The following SCHIP1 variants were observed in gnomAD, a reference collection of about 807,000 sequenced individuals.
The protein encoded by SCHIP1 is schwannomin interacting protein 1, also known as schwannomin-interacting protein 1.
A neutral mutation model predicts 29.7 loss-of-function variants in SCHIP1; 8 were observed. The ratio of observed to expected loss-of-function variants is 0.27; its 90% confidence interval spans 0.16 to 0.49. The LOEUF is 0.49. Ranked by LOEUF, SCHIP1 falls within the 20% of genes least tolerant of loss-of-function variation. The pLI is 0.99. For synonymous variants in SCHIP1, 76 were observed against 94.9 expected (o/e 0.80, Z 1.16); for missense variants, 193 against 294.6 (o/e 0.66, Z 2.52).
At chr3:159,642,183 G>T in the SCHIP1 span, among the ~76,000 whole-genome samples, 2 of 152,230 alleles carry the variant, frequency 1.3e-5, no homozygotes, top group South Asian at 4.1e-4. Flanking sequence ...CATATAAATA[G>T]CCCTCAATAT....
At chr3:159,279,370 T>C in the SCHIP1 span, among the ~76,000 whole-genome samples, 1 of 152,176 alleles carries the variant, frequency 6.6e-6, no homozygotes, top group Non-Finnish European at 1.5e-5. Context: ...AAACTGTGAG[T>C]TCATGAAACC....
the SCHIP1 span, among the ~76,000 whole-genome samples, chr3:159,407,132 C>T: frequency 2.0e-5 from 3 of 152,098 alleles, no homozygotes; most frequent in East Asian, 1.9e-4. Context: ...AATTAACTCT[C>T]TGTTGCCTAC....
chr3:159,507,971 G>C, the SCHIP1 span, among the ~76,000 whole-genome samples: 1 of 152,180 alleles, frequency 6.6e-6, no homozygotes, highest in Non-Finnish European at 1.5e-5. Flanking sequence ...TCAGGATGAT[G>C]CTGGCCTCAT....
At chr3:159,563,435 T>C in the SCHIP1 span, among the ~76,000 whole-genome samples, 1 of 152,110 alleles carries the variant, frequency 6.6e-6, no homozygotes, top group African/African-American at 2.4e-5. Flanking sequence ...TGTACAAATA[T>C]AATAAATACC....
chr3:159,495,049 T>C, the SCHIP1 span, among the ~76,000 whole-genome samples: 1 of 152,150 alleles, frequency 6.6e-6, no homozygotes, highest in African/African-American at 2.4e-5. Context: ...TTTGACAAAA[T>C]TCAACAGCCC....
chr3:159,449,651 A>G, the SCHIP1 span, among the ~76,000 whole-genome samples: 4 of 152,176 alleles, frequency 2.6e-5, no homozygotes, highest in Non-Finnish European at 1.5e-5. Context: ...ACTTAAACCT[A>G]AATATTTCAT....
the SCHIP1 span, among the ~76,000 whole-genome samples, chr3:159,336,391 T>C: frequency 1.3e-5 from 2 of 152,322 alleles, no homozygotes; most frequent in South Asian, 4.1e-4. Context: ...GCCATTTGTT[T>C]TGGTGTTTTA....
the SCHIP1 span, among the ~76,000 whole-genome samples, chr3:159,714,564 A>G: frequency 1.3e-5 from 2 of 152,166 alleles, no homozygotes; most frequent in Non-Finnish European, 2.9e-5. Flanking sequence ...CACTTTTCCA[A>G]TGGTCTTAGC....
At chr3:159,427,058 A>T in the SCHIP1 span, among the ~76,000 whole-genome samples, 1 of 152,240 alleles carries the variant, frequency 6.6e-6, no homozygotes, top group Non-Finnish European at 1.5e-5. Flanking sequence ...GCTATCTATG[A>T]CAAACCCACA....
In SCHIP1 at chr3:159,861,416, G is replaced by A. The variant is rs1714048971; in HGVS notation, c.31-4747G>A. Among the ~76,000 whole-genome samples the A allele has an allele frequency of 6.6e-6, 1 of 152,188 alleles. No individual in the cohort carries two copies. Among genetic ancestry groups the A allele is most frequent in the Non-Finnish European group, 1.5e-5 (1 of 68,048 alleles). On this transcript the variant is annotated intron_variant, in intron 1 of 6. Coordinates refer to ENST00000445224, the Ensembl canonical transcript of SCHIP1. The surrounding 1 kb of genome is among the most constrained non-coding windows in gnomAD (Gnocchi z 4.1). ...CCCTCTTTGTTCTTGTCCAGATTGG[G>A]GAATTGCAGTAGAACAGGGCACATC...
the SCHIP1 span, among the ~76,000 whole-genome samples, chr3:159,652,459 C>G: frequency 6.6e-6 from 1 of 152,118 alleles, no homozygotes; most frequent in Non-Finnish European, 1.5e-5. Context: ...GGGACCCAGA[C>G]CTGCCCTGTG....
At chr3:159,614,198 G>A in the SCHIP1 span, among the ~76,000 whole-genome samples, 1 of 152,174 alleles carries the variant, frequency 6.6e-6, no homozygotes, top group South Asian at 2.1e-4. Flanking sequence ...GTGGGTTTTG[G>A]GAAGAAAATG....
the SCHIP1 span, among the ~76,000 whole-genome samples, chr3:159,593,299 G>A: frequency 2.9e-3 from 437 of 152,206 alleles, 1 homozygote; most frequent in Non-Finnish European, 5.2e-3. Flanking sequence ...CACACCCGAG[G>A]AGCCTCAGAG....
the SCHIP1 span, among the ~76,000 whole-genome samples, chr3:159,432,646 T>G: frequency 0.59 from 89,291 of 151,906 alleles, 27,276 homozygotes; most frequent in Non-Finnish European, 0.67. Context: ...TTTGATGTAG[T>G]TAAATGATCT....
chr3:159,859,992 T>TGC lies in SCHIP1; in HGVS notation c.31-6170_31-6169insCG, dbSNP rs769716154. Among the ~76,000 whole-genome samples, 887 of 151,568 alleles carry TGC rather than the reference T, an allele frequency of 5.9e-3. 8 individuals carry two copies. The highest frequency in any genetic ancestry group is 0.017 in the African/African-American group (721 of 41,222). ...GTGTGACAGGGTGTGTGTGTGTGTG[T>TGC]GTGCGTGTGTGTGTGTGTCTGTCTG... On this transcript the variant is annotated intron_variant, in intron 1 of 6. Transcript: ENST00000445224.
the SCHIP1 span, among the ~76,000 whole-genome samples, chr3:159,794,073 T>G: frequency 6.6e-6 from 1 of 152,192 alleles, no homozygotes. Context: ...ATGGAGTCCC[T>G]TTTGCCATGT....
chr3:159,874,713 A>AT (rs1414706247), intron 2 of SCHIP1, among the ~76,000 whole-genome samples: 1 of 152,154 alleles, frequency 6.6e-6, no homozygotes, highest in Non-Finnish European at 1.5e-5. Flanking sequence ...TTGTTGTATG[A>AT]TTTTCTGGAA....
chr3:159,704,884 CTTTCTTTCTTTCTTTCTTTCTTTA>C, the SCHIP1 span, among the ~76,000 whole-genome samples: 4,190 of 81,440 alleles, frequency 0.051, 140 homozygotes, highest in African/African-American at 0.24. Flanking sequence ...TTCTTTCTTT[CTTTCTTTCTTTCTTTCTTTCTTTA>C]TTTCTTTCTT....
the SCHIP1 span, among the ~76,000 whole-genome samples, chr3:159,664,321 G>A: frequency 6.6e-6 from 1 of 152,110 alleles, no homozygotes; most frequent in Admixed American, 6.6e-5. Flanking sequence ...TGTCACATCT[G>A]TGATTCTATT....
Sources: gnomAD v4.1 joint callset for allele counts (sites outside exome capture counted in the v4.1 genomes callset) on GRCh38, gnomAD v4.1.1 for gene constraint, Gnocchi (gnomAD v3.1) non-coding constraint, MANE v1.5 for transcripts, NCBI Gene and HGNC (gene_info 2026-07-23, HGNC 2026-07-21) for gene names.